Variants in HS1BP3 observed in about 807,000 individuals in gnomAD.
HS1BP3 encodes HCLS1 binding protein 3.
In HS1BP3, 32 loss-of-function variants were observed where a neutral mutation model predicts 33.5. The ratio of observed to expected loss-of-function variants is 0.95; its 90% CI spans 0.72 to 1.28. The LOEUF is 1.28. HS1BP3 is among the 50% of genes most tolerant of loss of function. HS1BP3 has a pLI of 0.00. For missense variants in HS1BP3, 486 were observed against 502.3 expected (o/e 0.97, Z 0.31); for synonymous variants, 187 against 209.2 (o/e 0.89, Z 0.92).
At chr2:20,588,085 C>T (rs1005178008), downstream of HS1BP3, among the ~76,000 whole-genome samples, 10 of 151,256 alleles carry the variant, frequency 6.6e-5, no homozygotes, top group Non-Finnish European at 1.2e-4. Context: ...GCACCCCAAG[C>T]TGGTCACCAA....
chr2:20,608,914 C>T (rs35860411), intron 2 of HS1BP3, among the ~76,000 whole-genome samples: 13,586 of 152,288 alleles, frequency 0.089, 683 homozygotes, highest in East Asian at 0.15. Flanking sequence ...CTGGCCCTCT[C>T]CCACAGCTCT....
In HS1BP3 at chr2:20,647,989, C is replaced by T. The variant is rs377359954; in HGVS notation, c.33-2484G>A. The stretch of plus-strand genomic sequence containing the variant: ...TTCGCTGTCACATCTGCCCATCAGC[C>T]TGCAGCTGCTCCCTGATAGCTGCCC... On this transcript the variant is annotated intron_variant, in intron 1 of 6. Transcript: ENST00000304031. Among the ~76,000 whole-genome samples the T allele has an allele frequency of 2.6e-5, 4 of 152,358 alleles. No individual in the cohort carries two copies. In the South Asian group the frequency reaches 8.3e-4, roughly 32 times the overall value.
At chr2:20,648,787 G>A (rs1248413745) in intron 1 of HS1BP3, among the ~76,000 whole-genome samples, 2 of 151,990 alleles carry the variant, frequency 1.3e-5, no homozygotes, top group African/African-American at 2.4e-5. Context: ...GGCTGTCAAC[G>A]AGCTTCTCAA....
intron 5 of HS1BP3, among the ~76,000 whole-genome samples, chr2:20,567,862 G>A (rs1203439432): frequency 6.6e-6 from 1 of 152,206 alleles, no homozygotes. Context: ...CAAGAAAGAG[G>A]AGATGAGTTC....
At chr2:20,617,501 C>G (rs35001606), downstream of HS1BP3, among the ~76,000 whole-genome samples, 35,606 of 152,000 alleles carry the variant, frequency 0.23, 4,926 homozygotes, top group Non-Finnish European at 0.32. Flanking sequence ...GGACAGGGCG[C>G]CACAGCTGGA....
chr2:20,597,364 C>T (rs1693965546), intron 3 of HS1BP3, among the ~76,000 whole-genome samples: 1 of 152,192 alleles, frequency 6.6e-6, no homozygotes, highest in South Asian at 2.1e-4. Context: ...TAAGGAAGGC[C>T]TTGTACTGGT....
chr2:20,567,023 A>G (rs996058950), intron 5 of HS1BP3, among the ~76,000 whole-genome samples: 3 of 152,108 alleles, frequency 2.0e-5, no homozygotes, highest in African/African-American at 7.2e-5. Flanking sequence ...GAATCTCCTG[A>G]CACCATGGAA....
rs35644786 is a variant in HS1BP3, at chr2:20,601,770, C to CTTTT, written c.179-3509_179-3506dup. Among the ~76,000 whole-genome samples, 522 of 69,140 alleles carry CTTTT rather than the reference C, an allele frequency of 7.5e-3. 155 individuals carry two copies. Among genetic ancestry groups the CTTTT allele is most frequent in the South Asian group, 0.026 (34 of 1,292 alleles). 45.4% of individuals were successfully genotyped at this position (69,140 alleles called of 152,430 possible). A position where few individuals can be genotyped will look rare whatever the true frequency, so the allele number is the denominator to read the frequency against. ...ATCACCCAGTTTTCAAGTGTGTCTT[C>CTTTT]TTTTTTTTTTTTTTTTTTTTTTTTT... is the stretch of plus-strand genomic sequence containing the variant. On this transcript the variant is annotated intron_variant, in intron 2 of 3. Transcript: ENST00000415264.
At chr2:20,607,719 C>T (rs1694228357) in intron 2 of HS1BP3, among the ~76,000 whole-genome samples, 1 of 152,146 alleles carries the variant, frequency 6.6e-6, no homozygotes, top group African/African-American at 2.4e-5. Flanking sequence ...TTGAAGATTG[C>T]TTTAGCTATT....
chr2:20,615,205 G>C (rs1694398681), downstream of HS1BP3, among the ~76,000 whole-genome samples: 1 of 152,258 alleles, frequency 6.6e-6, no homozygotes, highest in Middle Eastern at 3.2e-3. Context: ...CCAGGACCCA[G>C]GGTGGGTAAG....
At chr2:20,639,006 C>A (rs1042085962) in intron 3 of HS1BP3, among the ~76,000 whole-genome samples, 1 of 152,230 alleles carries the variant, frequency 6.6e-6, no homozygotes, top group Admixed American at 6.5e-5. Context: ...GCTGCACCCT[C>A]CTCCCGGGTG....
chr2:20,638,410 G>A lies in HS1BP3; in HGVS notation c.623+26C>T, dbSNP rs114834473. On this transcript the variant is annotated intron_variant, in intron 4 of 6. Transcript: ENST00000304031. ...CAGAAAGCCTGGAATACACCAAAGG[G>A]GCCCTCTCAACAACAGGAGACCAAC... 2.2e-3 allele frequency: 3,511 copies of A among 1,599,420 alleles called. 69 individuals are homozygous for A. The African/African-American group carries it at 0.041, about 19-fold the overall frequency.
At chr2:20,626,233 G>A (rs1345287872) in intron 4 of HS1BP3, among the ~76,000 whole-genome samples, 1 of 152,242 alleles carries the variant, frequency 6.6e-6, no homozygotes, top group African/African-American at 2.4e-5. Context: ...TCTGGAGTCT[G>A]AGGTCTGGCA....
intron 3 of HS1BP3, among the ~76,000 whole-genome samples, chr2:20,593,804 G>A (rs925036241): frequency 2.6e-5 from 4 of 152,326 alleles, no homozygotes; most frequent in Admixed American, 2.0e-4. Context: ...GAGCCGCCAC[G>A]GGGATGGAAG....
intron 1 of HS1BP3, among the ~76,000 whole-genome samples, chr2:20,647,002 T>C (rs1476723541): frequency 6.6e-6 from 1 of 152,190 alleles, no homozygotes; most frequent in African/African-American, 2.4e-5. Flanking sequence ...TGGCCTCTTA[T>C]GGGGCAGGCA....
At chr2:20,627,135 G>A (rs943093145) in intron 4 of HS1BP3, among the ~76,000 whole-genome samples, 6 of 152,206 alleles carry the variant, frequency 3.9e-5, no homozygotes, top group Non-Finnish European at 7.4e-5. Context: ...CGCCCTTTGC[G>A]TGGCCCTTGC....
chr2:20,631,161 T>C (rs1694955300), intron 4 of HS1BP3, among the ~76,000 whole-genome samples: 1 of 152,062 alleles, frequency 6.6e-6, no homozygotes, highest in South Asian at 2.1e-4. Flanking sequence ...AGCTGCCTGG[T>C]GATGTCTAGG....
At chr2:20,559,705 T>G (rs1256412867), downstream of HS1BP3, among the ~76,000 whole-genome samples, 1 of 125,634 alleles carries the variant, frequency 8.0e-6, no homozygotes, top group African/African-American at 2.8e-5. Context: ...GACGGGTGGG[T>G]GGGTGGATGG....
chr2:20,584,069 G>A (rs1242122203), intron 5 of HS1BP3, among the ~76,000 whole-genome samples: 6 of 152,306 alleles, frequency 3.9e-5, no homozygotes, highest in East Asian at 1.9e-4. Context: ...TTTCTTCTGC[G>A]ATTGTAAGAG....
Sources: gnomAD v4.1 joint callset for allele counts (sites outside exome capture counted in the v4.1 genomes callset) on GRCh38, gnomAD v4.1.1 for gene constraint, MANE v1.5 for transcripts, NCBI Gene and HGNC (gene_info 2026-07-23, HGNC 2026-07-21) for gene names.